The following KRT76 variants were observed in gnomAD, a reference collection of about 807,000 sequenced individuals.
KRT76 encodes the protein keratin 76.
KRT76 carries 47 observed loss-of-function variants against 44.9 expected under a neutral mutation model. That is an observed-to-expected ratio of 1.05 (90% CI 0.83 to 1.33). The LOEUF (loss-of-function observed/expected upper bound fraction) is 1.33, where lower values mean the gene tolerates loss of function less well. KRT76 is among the 40% of genes most tolerant of loss of function. The pLI is 0.00. For synonymous variants in KRT76, 331 were observed against 294.1 expected (o/e 1.13, Z -1.28); for missense variants, 860 against 775.8 (o/e 1.11, Z -1.29).
intron 1 of KRT76, 149 bp downstream of exon 1, chr12:52,776,543 G>A (rs919532913): frequency 8.9e-6 from 11 of 1,240,208 alleles, no homozygotes; most frequent in African/African-American, 1.5e-5. Flanking sequence ...AGTGAAAGGG[G>A]CATGATCACT....
rs201173214 is a variant in KRT76 at position 52,768,773 on chromosome 12, G to T, written c.1857C>A (p.Gly619=). The T allele has an allele frequency of 1.9e-5, 30 of 1,612,490 alleles. No individual in the cohort carries two copies. The African/African-American group carries it at 3.9e-4, about 21-fold the overall frequency. Residue 619 remains glycine (G), a synonymous_variant, in exon 9 of 9, where the codon GGC becomes GGA. Transcript: ENST00000332411. ...GGSGYKSGGG[G]STSIRFSQTT... ...TCTGGGAGAAGCGGATACTGGTGCTGCCTCCACCACCAGACTTGTAGCCAC... is the reference window on the plus strand; with the variant it reads ...TCTGGGAGAAGCGGATACTGGTGCTTCCTCCACCACCAGACTTGTAGCCAC...
intron 4 of KRT76, 65 bp downstream of exon 4, chr12:52,772,718 C>G: frequency 8.6e-7 from 1 of 1,161,136 alleles, no homozygotes; most frequent in East Asian, 2.3e-5. Context: ...TTTGGCTGTC[C>G]CCTAAAGTTA....
chr12:52,771,860 C>T lies in KRT76; in HGVS notation c.1263+11G>A, dbSNP rs1939186034. On this transcript the variant is annotated intron_variant, in intron 6 of 8. Transcript: ENST00000332411. Reference sequence around the variant, plus strand: ...AGACCTCTGGGATCTCTCCGTTAAACCCAGCCCCACCTGCTTCTTGACATT... The same window carrying T: ...AGACCTCTGGGATCTCTCCGTTAAATCCAGCCCCACCTGCTTCTTGACATT... 2 of 1,612,094 alleles carry T rather than the reference C, an allele frequency of 1.2e-6. No individual in the cohort carries two copies. The highest frequency in any genetic ancestry group is 1.1e-5 in the South Asian group (1 of 90,772).
Position 52,773,597 on chromosome 12 carries a change from A to T in KRT76, c.861T>A (p.Phe287Leu). ...INKRTAAENE[F>L]VGLKKDVDAA... Reference sequence around the variant, plus strand: ...GCTCACCTACCTTCTTGAGCCCCACAAACTCATTCTCTGCGGCAGTGCGTT... The same window carrying T: ...GCTCACCTACCTTCTTGAGCCCCACTAACTCATTCTCTGCGGCAGTGCGTT... The change falls in exon 3 of 9, where the codon TTT becomes TTA. Residue 287 changes from phenylalanine (F) to leucine (L), a missense_variant. Transcript: ENST00000332411. 2 of 1,613,334 alleles carry T rather than the reference A, an allele frequency of 1.2e-6. No homozygotes were observed. The highest frequency in any genetic ancestry group is 1.7e-6 in the Non-Finnish European group (2 of 1,179,408).
At chr12:52,771,678 T>C (rs1048768902) in intron 6 of KRT76, among the ~76,000 whole-genome samples, 193 bp downstream of exon 6, 3 of 152,222 alleles carry the variant, frequency 2.0e-5, no homozygotes, top group African/African-American at 4.8e-5. Flanking sequence ...AACATCTTTC[T>C]TGAGTGAGCT....
At chr12:52,770,917 C>T (rs1939169009) in intron 7 of KRT76, 82 bp downstream of exon 7, 1 of 1,572,982 alleles carries the variant, frequency 6.4e-7, no homozygotes, top group Non-Finnish European at 8.7e-7. Flanking sequence ...TGTTCCTCTC[C>T]TTATCATCTT....
rs780909422 is a variant in KRT76, at chr12:52,776,863, A to G, written c.429T>C (p.Pro143=). Residue 143 remains proline, a synonymous_variant, in exon 1 of 9, where the codon CCT becomes CCC. Transcript: ENST00000332411. Reference sequence around the variant, plus strand: ...GAAAGCCCCCAGGGCCAAAGCCACCAGGACCACCAAAGCTGCCAGGCCCAC... The same window carrying G: ...GAAAGCCCCCAGGGCCAAAGCCACCGGGACCACCAAAGCTGCCAGGCCCAC... ...VFGGPGSFGG[P]GGFGPGGFPG... 6.2e-7 allele frequency: 1 copy of G among 1,612,920 alleles called. No individual in the cohort carries two copies. The highest frequency in any genetic ancestry group is 1.1e-5 in the South Asian group (1 of 91,018).
At position 52,771,171 on chromosome 12, in the gene KRT76, T is replaced by C. The variant is rs1333620727; in HGVS notation, c.1312A>G (p.Met438Val). 1.9e-6 allele frequency: 3 copies of C among 1,614,050 alleles called. No homozygotes were observed. Among genetic ancestry groups the C allele is most frequent in the African/African-American group, 1.3e-5 (1 of 74,910 alleles). Residue 438 changes from methionine (M) to valine (V), a missense_variant, in exon 7 of 9, where the codon ATG becomes GTG. Coordinates refer to ENST00000332411, the MANE Select transcript of KRT76 (RefSeq NM_015848.4). ...AIAEAEQRGEMALKDANAKLQ... is the reference protein window; with the variant it reads ...AIAEAEQRGEVALKDANAKLQ... ...TTGGCATTGGCGTCCTTGAGGGCCA[T>C]CTCTCCACGCTGCTCAGCCTCTGCA...
chr12:52,770,020 T>C (rs944861872), intron 7 of KRT76, among the ~76,000 whole-genome samples: 1 of 152,164 alleles, frequency 6.6e-6, no homozygotes, highest in Non-Finnish European at 1.5e-5. Flanking sequence ...TTGGGGTTGT[T>C]CAGGGTGGAG....
rs112798559 is a variant in KRT76, at chr12:52,768,639, G to A, written c.*74C>T. The A allele has an allele frequency of 1.5e-5, 23 of 1,499,946 alleles. No homozygotes were observed. In the African/African-American group the frequency reaches 2.8e-4, roughly 18 times the overall value. The allele number at this position is 1,499,946 out of a possible 1,614,324, so 92.9% of individuals were successfully genotyped here. On this transcript the variant is annotated 3_prime_UTR_variant, in exon 9 of 9. Transcript: ENST00000332411. ...GGTTGACCCTTATGCATCTATTGAT[G>A]CCAAGCAGAGAGTGGGAAACACTAT...
chr12:52,777,158 C>T lies in KRT76; in HGVS notation c.134G>A (p.Gly45Asp). Residue 45 changes from glycine (G) to aspartate (D), a missense_variant, in exon 1 of 9, where the codon GGC becomes GAC. By Grantham distance (94) the Gly-to-Asp change is moderately conservative. Transcript: ENST00000332411. ...RSGGAGGGAC[G>D]FRSGAGSFGS... ...AAAGCTGCCTGCTCCGCTCCTGAAGCCACAGGCCCCTCCACCAGCTCCCCC... is the reference window on the plus strand; with the variant it reads ...AAAGCTGCCTGCTCCGCTCCTGAAGTCACAGGCCCCTCCACCAGCTCCCCC... The T allele has an allele frequency of 6.2e-7, 1 of 1,614,220 alleles. No homozygotes were observed. Among genetic ancestry groups the T allele is most frequent in the Non-Finnish European group, 8.5e-7 (1 of 1,180,044 alleles).
rs770612924 is a variant in KRT76, at chr12:52,771,014, T to C, written c.1469A>G (p.Glu490Gly). 2 of 1,614,074 alleles carry C rather than the reference T, an allele frequency of 1.2e-6. No individual in the cohort carries two copies. Among genetic ancestry groups the C allele is most frequent in the South Asian group, 2.2e-5 (2 of 91,060 alleles). The change falls in exon 7 of 9, where the codon GAG (glutamate) becomes GGG (glycine). Residue 490 changes from glutamate (E) to glycine (G), a missense_variant. Transcript: ENST00000332411. ...VEIATYRKLLEGEECRMSGEC... is the reference protein window; with the variant it reads ...VEIATYRKLLGGEECRMSGEC... ...GGCCCCTCACCTGCACTCCTCTCCC[T>C]CCAGCAGCTTGCGGTAGGTGGCAAT...
chr12:52,775,215 G>A (rs530332815), intron 2 of KRT76, among the ~76,000 whole-genome samples, 173 bp downstream of exon 2: 1 of 152,264 alleles, frequency 6.6e-6, no homozygotes, highest in Non-Finnish European at 1.5e-5. Flanking sequence ...ATAGCCACAT[G>A]GGAGTCTCAG....
chr12:52,773,643 C>G lies in KRT76; in HGVS notation c.816-1G>C. 2 of 1,612,442 alleles carry G rather than the reference C, an allele frequency of 1.2e-6. No individual in the cohort carries two copies. Among genetic ancestry groups the G allele is most frequent in the South Asian group, 1.1e-5 (1 of 90,916 alleles). On this transcript the variant is annotated splice_acceptor_variant, in intron 2 of 8. Transcript: ENST00000332411. LOFTEE classifies it high-confidence loss of function. The stretch of plus-strand genomic sequence containing the variant: ...GCGTTTGTTGATTTCATCTTCATAC[C>G]TGGAACAAGAAGAGGCACACATTTG...
rs761005852 is a variant in KRT76 at position 52,777,097 on chromosome 12, C to G, written c.195G>C (p.Lys65Asn). The change falls in exon 1 of 9, where the codon AAG becomes AAC. Residue 65 changes from lysine to asparagine, a missense_variant. Coordinates refer to ENST00000332411, the MANE Select transcript of KRT76 (RefSeq NM_015848.4). ...SRSLYNLGSN[K>N]SISISVAAGS... ...CAGCTGCCACGCTGATGGAGATGCT[C>G]TTGTTGCTGCCCAGGTTGTAGAGGC... 1 of 1,614,248 alleles carries G rather than the reference C, an allele frequency of 6.2e-7. No homozygotes were observed. The highest frequency in any genetic ancestry group is 8.5e-7 in the Non-Finnish European group (1 of 1,180,052).
Position 52,768,567 on chromosome 12 carries a change from G to A in KRT76, c.*146C>T. On this transcript the variant is annotated 3_prime_UTR_variant, in exon 9 of 9. Coordinates refer to ENST00000332411, the MANE Select transcript of KRT76 (RefSeq NM_015848.4). ...GCCCTGGGAAGGTCATGGGGATGGAGAAACCAGGAGTTCAGCTTCTTCTCC... is the reference window on the plus strand; with the variant it reads ...GCCCTGGGAAGGTCATGGGGATGGAAAAACCAGGAGTTCAGCTTCTTCTCC... The A allele has an allele frequency of 1.1e-6, 1 of 930,512 alleles. No homozygotes were observed. The highest frequency in any genetic ancestry group is 1.7e-5 in the South Asian group (1 of 58,868). The allele number at this position is 930,512 out of a possible 1,614,324, so 57.6% of individuals were successfully genotyped here. A position where few individuals can be genotyped will look rare whatever the true frequency, so the allele number is the denominator to read the frequency against.
chr12:52,776,595 G>C (rs1014560522), intron 1 of KRT76, 97 bp downstream of exon 1: 2 of 1,590,780 alleles, frequency 1.3e-6, no homozygotes, highest in South Asian at 1.1e-5. Context: ...AGAGCCAAGC[G>C]CCCCTGCCCT....
chr12:52,772,971 G>GC, intron 3 of KRT76, 93 bp from the exon 4 acceptor site: 1 of 817,824 alleles, frequency 1.2e-6, no homozygotes. Flanking sequence ...TCTTTGTTCC[G>GC]CCCCCAGCTC....
chr12:52,769,037 G>A lies in KRT76; in HGVS notation c.1593C>T (p.Gly531=). ...CGCCTTTGTAGCCACCACTGCCACTGCCACTGACCCCTCCAAAAACTCCAC... is the reference window on the plus strand; with the variant it reads ...CGCCTTTGTAGCCACCACTGCCACTACCACTGACCCCTCCAAAAACTCCAC... The part of the protein sequence containing the change: ...SSRGVFGGVS[G]SGSGGYKGGS... The change falls in exon 9 of 9, where the codon GGC becomes GGT. Residue 531 remains glycine (G), a synonymous_variant. Transcript: ENST00000332411. The A allele has an allele frequency of 2.6e-6, 2 of 763,620 alleles. No homozygotes were observed. The highest frequency in any genetic ancestry group is 4.7e-6 in the Non-Finnish European group (2 of 426,298). 47.3% of individuals were successfully genotyped at this position (763,620 alleles called of 1,614,324 possible).
Sources: allele counts gnomAD v4.1 joint callset (sites outside exome capture counted in the v4.1 genomes callset), GRCh38; gene constraint gnomAD v4.1.1; transcripts MANE v1.5; gene names NCBI Gene and HGNC (gene_info 2026-07-23, HGNC 2026-07-21).